The following VCAN variants were observed in gnomAD, a reference collection of about 807,000 sequenced individuals.
The protein encoded by VCAN is versican, also known as versican core protein.
A neutral mutation model predicts 245.5 loss-of-function variants in VCAN; 44 were observed. The ratio of observed to expected loss-of-function variants is 0.18; its 90% confidence interval spans 0.14 to 0.23. The LOEUF is 0.23. VCAN is among the 10% of genes least tolerant of loss of function. VCAN has a pLI of 1.00. For missense variants in VCAN, 3,793 were observed against 4,057.9 expected, an observed-to-expected ratio of 0.93 and a Z score of 1.77; for synonymous variants, 1,413 against 1,437.0, an observed-to-expected ratio of 0.98 and a Z score of 0.38.
At position 83,520,202 on chromosome 5, in the gene VCAN, G is replaced by A. The variant is rs377633742; in HGVS notation, c.1896G>A (p.Thr632=). The A allele has an allele frequency of 4.0e-5, 65 of 1,613,956 alleles. No individual in the cohort carries two copies. The highest frequency in any genetic ancestry group is 2.7e-4 in the Admixed American group (16 of 60,000). The change falls in exon 7 of 15, where the codon ACG becomes ACA. Residue 632 remains threonine (T), a synonymous_variant. Transcript: ENST00000265077. Reference sequence around the variant, plus strand: ...AGAGACAAACTAGTGGTAGGATAACGGAAGAGTTTCTTGGCAAATATCTGT... The same window carrying A: ...AGAGACAAACTAGTGGTAGGATAACAGAAGAGTTTCTTGGCAAATATCTGT... The part of the protein sequence containing the change: ...WEERQTSGRI[T]EEFLGKYLST...
chr5:83,570,160 T>C (rs2112496172), intron 12 of VCAN, among the ~76,000 whole-genome samples: 1 of 152,158 alleles, frequency 6.6e-6, no homozygotes, highest in South Asian at 2.1e-4. Context: ...TTCCAGGCCA[T>C]TTGGAGAGTA....
Position 83,519,929 on chromosome 5 carries a change from A to G in VCAN, c.1623A>G (p.Glu541=). The change falls in exon 7 of 15, where the codon GAA becomes GAG. Residue 541 remains glutamate, a synonymous_variant. Transcript: ENST00000265077. ...AGAAAATGGTAAGCACTGTTTCTGA[A>G]TTGGTAACCACAGGTCACTATGGAT... ...TEKKMVSTVS[E]LVTTGHYGFT... 6.2e-7 allele frequency: 1 copy of G among 1,614,126 alleles called. No individual in the cohort carries two copies. The highest frequency in any genetic ancestry group is 1.3e-5 in the African/African-American group (1 of 75,056).
intron 5 of VCAN, among the ~76,000 whole-genome samples, chr5:83,506,373 CT>C (rs1412633211): frequency 1.3e-5 from 2 of 152,198 alleles, no homozygotes; most frequent in Non-Finnish European, 2.9e-5. Context: ...TGTAAATCAT[CT>C]TTCTCAAGTT....
intron 12 of VCAN, among the ~76,000 whole-genome samples, chr5:83,557,825 C>G (rs1747730411): frequency 6.6e-6 from 1 of 152,072 alleles, no homozygotes; most frequent in African/African-American, 2.4e-5. Flanking sequence ...TTGGCACTTT[C>G]ACTTGAAACG....
At chr5:83,477,756 T>G (rs1400200235) in intron 1 of VCAN, among the ~76,000 whole-genome samples, 1 of 152,080 alleles carries the variant, frequency 6.6e-6, no homozygotes, top group Non-Finnish European at 1.5e-5. Context: ...TGAATAACTT[T>G]GAAAAGTCCA....
intron 7 of VCAN, among the ~76,000 whole-genome samples, chr5:83,534,329 T>C (rs1245436895): frequency 6.6e-6 from 1 of 152,104 alleles, no homozygotes; most frequent in Admixed American, 6.6e-5. Context: ...ACAATATTAA[T>C]CAGATATTTC....
chr5:83,543,846 A>C (rs1266316280), intron 8 of VCAN, among the ~76,000 whole-genome samples: 1 of 152,220 alleles, frequency 6.6e-6, no homozygotes, highest in Admixed American at 6.6e-5. Context: ...ACAGCAGCTC[A>C]TATGGGATTA....
At position 83,520,592 on chromosome 5, in the gene VCAN, A is replaced by G. The variant is rs888008371; in HGVS notation, c.2286A>G (p.Glu762=). The change falls in exon 7 of 15, where the codon GAA becomes GAG. Residue 762 remains glutamate (E), a synonymous_variant. Coordinates refer to ENST00000265077, the MANE Select transcript of VCAN (RefSeq NM_004385.5). The part of the protein sequence containing the change: ...LITKLSAEPT[E]VRDMEEDFTA... ...CAAAGTTAAGTGCAGAGCCAACAGAAGTAAGAGATATGGAGGAAGACTTTA... is the reference window on the plus strand; with the variant it reads ...CAAAGTTAAGTGCAGAGCCAACAGAGGTAAGAGATATGGAGGAAGACTTTA... 1 of 1,614,066 alleles carries G rather than the reference A, an allele frequency of 6.2e-7. No individual in the cohort carries two copies. Among genetic ancestry groups the G allele is most frequent in the East Asian group, 2.2e-5 (1 of 44,868 alleles).
rs1746990980 is a variant in VCAN at position 83,541,530 on chromosome 5, A to C, written c.8527A>C (p.Ile2843Leu). The change falls in exon 8 of 15, where the codon ATC becomes CTC. Residue 2843 changes from isoleucine (I) to leucine (L), a missense_variant. Ile to Leu is a conservative substitution (Grantham distance 5). Transcript: ENST00000265077. ...SGSEASGHTE[I>L]PQPSALPGID... ...CAGTGAAGCCTCTGGACACACAGAGATCCCCCAGCCCAGTGCTCTGCCAGG... is the reference window on the plus strand; with the variant it reads ...CAGTGAAGCCTCTGGACACACAGAGCTCCCCCAGCCCAGTGCTCTGCCAGG... The C allele has an allele frequency of 6.2e-7, 1 of 1,613,862 alleles. No homozygotes were observed. Among genetic ancestry groups the C allele is most frequent in the African/African-American group, 1.3e-5 (1 of 74,918 alleles).
chr5:83,514,397 A>G (rs922390020), intron 6 of VCAN, among the ~76,000 whole-genome samples: 1 of 150,756 alleles, frequency 6.6e-6, no homozygotes, highest in Non-Finnish European at 1.5e-5. Flanking sequence ...CAAAATTTCT[A>G]ATTTATTTTT....
chr5:83,542,339 A>G, intron 8 of VCAN, 71 bp downstream of exon 8: 13 of 1,488,154 alleles, frequency 8.7e-6, no homozygotes, highest in Non-Finnish European at 1.2e-5. Context: ...GTTTATATGT[A>G]TGTAATTTTT....
chr5:83,575,392 A>C (rs931141288), intron 13 of VCAN, among the ~76,000 whole-genome samples: 3 of 151,858 alleles, frequency 2.0e-5, no homozygotes, highest in African/African-American at 7.3e-5. Flanking sequence ...AGTATTTTCT[A>C]TTTTTCTTTT....
Position 83,538,765 on chromosome 5 carries a change from T to A in VCAN, c.5762T>A (p.Ile1921Lys). The A allele has an allele frequency of 6.2e-7, 1 of 1,613,912 alleles. No individual in the cohort carries two copies. The change falls in exon 8 of 15, where the codon ATA becomes AAA. Residue 1921 changes from isoleucine (I) to lysine (K), a missense_variant. Physicochemically the swap from Ile to Lys is moderately radical, Grantham distance 102. This residue lies in a region of VCAN where 3,182 missense variants were observed against 3,250.3 expected (regional missense o/e 0.98). Transcript: ENST00000265077. ...RLGEPNYGAE[I>K]RGFSTGFPLE... ...GGAGAACCAAATTATGGGGCAGAAA[T>A]AAGGGGCTTTTCCACAGGTTTTCCT...
At chr5:83,476,243 C>T (rs1744384202) in intron 1 of VCAN, among the ~76,000 whole-genome samples, 2 of 152,242 alleles carry the variant, frequency 1.3e-5, no homozygotes, top group South Asian at 4.1e-4. Context: ...AGTCTGGCAA[C>T]TAAGCCCTCC....
At chr5:83,512,467 A>C (rs778437712) in intron 6 of VCAN, 71 bp downstream of exon 6, 1 of 1,542,172 alleles carries the variant, frequency 6.5e-7, no homozygotes, top group African/African-American at 1.4e-5. Flanking sequence ...TTGATGTTCA[A>C]CTAGCCGTTG....
In VCAN at chr5:83,490,248, A is replaced by G. The variant is rs144766017; in HGVS notation, c.221A>G (p.Asn74Ser). Reference sequence around the variant, plus strand: ...TGGTCTAAGATTGAAGTGGACAAAAATGGAAAAGATTTGAAAGAGACTACT... The same window carrying G: ...TGGTCTAAGATTGAAGTGGACAAAAGTGGAAAAGATTTGAAAGAGACTACT... The part of the protein sequence containing the change: ...IKWSKIEVDK[N>S]GKDLKETTVL... Residue 74 changes from asparagine to serine, a missense_variant, in exon 3 of 15, where the codon AAT becomes AGT. By Grantham distance (46) the Asn-to-Ser change is conservative (BLOSUM62 1). Coordinates refer to ENST00000265077, the MANE Select transcript of VCAN (RefSeq NM_004385.5). 2.6e-4 allele frequency: 417 copies of G among 1,614,052 alleles called. 1 individual carries two copies. The highest frequency in any genetic ancestry group is 3.3e-4 in the Non-Finnish European group (395 of 1,180,044).
intron 6 of VCAN, among the ~76,000 whole-genome samples, chr5:83,513,654 G>A (rs1745745172): frequency 6.6e-6 from 1 of 152,146 alleles, no homozygotes; most frequent in Non-Finnish European, 1.5e-5. Context: ...TTGTTCTCAG[G>A]CCCTGAAACA....
intron 5 of VCAN, among the ~76,000 whole-genome samples, chr5:83,507,235 T>C (rs1455518946): frequency 6.6e-6 from 1 of 152,218 alleles, no homozygotes; most frequent in Non-Finnish European, 1.5e-5. Flanking sequence ...AACAGGCTTC[T>C]TGTCAAACTA....
intron 5 of VCAN, among the ~76,000 whole-genome samples, chr5:83,504,985 G>A (rs1487084336): frequency 1.3e-5 from 2 of 152,120 alleles, no homozygotes; most frequent in Non-Finnish European, 2.9e-5. Flanking sequence ...TAGATCTCAT[G>A]AGACTTATTA....
Sources: allele counts gnomAD v4.1 joint callset (sites outside exome capture counted in the v4.1 genomes callset), GRCh38; gene constraint gnomAD v4.1.1; regional missense constraint gnomAD v4.1.1; transcripts MANE v1.5; gene names NCBI Gene and HGNC (gene_info 2026-07-23, HGNC 2026-07-21).